The following MDGA2 variants were observed in gnomAD, a reference collection of about 807,000 sequenced individuals.
MDGA2 encodes the protein MAM domain containing glycosylphosphatidylinositol anchor 2, also known as MAM domain-containing glycosylphosphatidylinositol anchor protein 2.
In MDGA2, 40 loss-of-function variants were observed where a neutral mutation model predicts 117.8. The observed-to-expected ratio is 0.34, with a 90% CI of 0.26 to 0.44. The LOEUF is 0.44. Ranked by LOEUF, MDGA2 falls within the 20% of genes least tolerant of loss-of-function variation. The pLI is 1.00. For synonymous variants in MDGA2, 452 were observed against 439.0 expected (o/e 1.03, Z -0.37); for missense variants, 1,123 against 1,250.6 (o/e 0.90, Z 1.54).
At chr14:47,558,066 T>C (rs1895718271) in intron 1 of MDGA2, among the ~76,000 whole-genome samples, 2 of 152,166 alleles carry the variant, frequency 1.3e-5, no homozygotes, top group Admixed American at 6.5e-5. Context: ...TGTGGAATAG[T>C]CGACAGTGAA....
At chr14:47,544,129 AG>A (rs1296579060) in intron 1 of MDGA2, among the ~76,000 whole-genome samples, 1 of 152,214 alleles carries the variant, frequency 6.6e-6, no homozygotes, top group Non-Finnish European at 1.5e-5. Context: ...TAAAGACTAT[AG>A]AAAGTATGTC....
intron 1 of MDGA2, among the ~76,000 whole-genome samples, chr14:47,386,835 G>T (rs2138429125): frequency 6.6e-6 from 1 of 152,314 alleles, no homozygotes; most frequent in South Asian, 2.1e-4. Context: ...CCTGGCTTCA[G>T]ATTCTGCTCT....
intron 1 of MDGA2, among the ~76,000 whole-genome samples, chr14:47,628,721 A>G (rs1177362869): frequency 6.6e-6 from 1 of 152,242 alleles, no homozygotes; most frequent in African/African-American, 2.4e-5. Flanking sequence ...GACGGATACT[A>G]TGATGCACCA....
At chr14:47,272,993 A>C (rs952240613) in intron 2 of MDGA2, among the ~76,000 whole-genome samples, 17 of 152,108 alleles carry the variant, frequency 1.1e-4, no homozygotes, top group African/African-American at 3.9e-4. Flanking sequence ...TTTTACTCTA[A>C]GGAGCCTGAA....
At chr14:47,578,348 A>G (rs761660951) in intron 1 of MDGA2, among the ~76,000 whole-genome samples, 3 of 152,108 alleles carry the variant, frequency 2.0e-5, no homozygotes, top group Non-Finnish European at 2.9e-5. Flanking sequence ...CCAGCACACC[A>G]TTGCACACAT....
chr14:47,594,084 T>C (rs1896492403), intron 1 of MDGA2, among the ~76,000 whole-genome samples: 1 of 152,092 alleles, frequency 6.6e-6, no homozygotes, highest in Non-Finnish European at 1.5e-5. Context: ...AATAAATCAA[T>C]CAGCGCACTT....
intron 2 of MDGA2, among the ~76,000 whole-genome samples, chr14:47,274,375 T>G (rs1192421687): frequency 6.6e-6 from 1 of 152,112 alleles, no homozygotes; most frequent in African/African-American, 2.4e-5. Flanking sequence ...GGATAATGTT[T>G]CCAAGGTTCT....
chr14:47,374,954 A>G (rs1308806404), intron 1 of MDGA2, among the ~76,000 whole-genome samples: 1 of 151,998 alleles, frequency 6.6e-6, no homozygotes, highest in East Asian at 1.9e-4. Flanking sequence ...TTATATTTCA[A>G]AGATTTTTTT....
intron 1 of MDGA2, among the ~76,000 whole-genome samples, chr14:47,448,661 T>G (rs900841317): frequency 2.0e-5 from 3 of 152,126 alleles, no homozygotes; most frequent in Non-Finnish European, 4.4e-5. Flanking sequence ...CGCTCTTCAT[T>G]TGTATGCTTT....
At chr14:47,515,617 G>A (rs1215454001) in intron 1 of MDGA2, among the ~76,000 whole-genome samples, 1 of 152,038 alleles carries the variant, frequency 6.6e-6, no homozygotes, top group Non-Finnish European at 1.5e-5. Context: ...AAGGGGGTTA[G>A]TTTTAACTCT....
intron 1 of MDGA2, among the ~76,000 whole-genome samples, chr14:47,582,578 T>C (rs537585490): frequency 8.6e-5 from 13 of 152,044 alleles, no homozygotes; most frequent in Admixed American, 4.6e-4. Context: ...ATTTTCAATA[T>C]AGAGTGTCAG....
chr14:47,212,611 A>G (rs1801583082), intron 3 of MDGA2, among the ~76,000 whole-genome samples: 1 of 151,960 alleles, frequency 6.6e-6, no homozygotes, highest in African/African-American at 2.4e-5. Context: ...TTTCATTTTC[A>G]CATTGTCTTA....
At chr14:47,030,021 T>C (rs774888906) in intron 8 of MDGA2, among the ~76,000 whole-genome samples, 1 of 151,106 alleles carries the variant, frequency 6.6e-6, no homozygotes, top group Non-Finnish European at 1.5e-5. Context: ...AGAGTTGGGG[T>C]TTCACCATGT....
At chr14:47,511,991 C>T (rs1894651803) in intron 1 of MDGA2, among the ~76,000 whole-genome samples, 1 of 152,076 alleles carries the variant, frequency 6.6e-6, no homozygotes, top group Admixed American at 6.6e-5. Context: ...TTGCTCTAGC[C>T]ATTTTGCATA....
intron 3 of MDGA2, among the ~76,000 whole-genome samples, chr14:47,182,891 G>C (rs1594703483): frequency 6.6e-6 from 1 of 151,692 alleles, no homozygotes; most frequent in East Asian, 2.0e-4. Context: ...AATATGGCTG[G>C]GTGTTTCTCA....
At chr14:47,587,642 C>T (rs1896350737) in intron 1 of MDGA2, among the ~76,000 whole-genome samples, 1 of 151,884 alleles carries the variant, frequency 6.6e-6, no homozygotes, top group African/African-American at 2.4e-5. Context: ...TATGGAAATA[C>T]TTGCATGTTT....
At chr14:47,644,727 A>G (rs1222752217) in intron 1 of MDGA2, among the ~76,000 whole-genome samples, 1 of 152,194 alleles carries the variant, frequency 6.6e-6, no homozygotes, top group Non-Finnish European at 1.5e-5. Flanking sequence ...TCTTATCATA[A>G]AGAAATGATA....
chr14:47,137,822 G>C (rs1271505763), intron 4 of MDGA2, among the ~76,000 whole-genome samples: 1 of 152,126 alleles, frequency 6.6e-6, no homozygotes, highest in African/African-American at 2.4e-5. Flanking sequence ...TGGGATTGGA[G>C]AGTTGTTCTG....
At chr14:47,266,081 C>T (rs969810351) in intron 2 of MDGA2, among the ~76,000 whole-genome samples, 6 of 151,954 alleles carry the variant, frequency 3.9e-5, no homozygotes, top group African/African-American at 1.5e-4. Flanking sequence ...TAGGGAGGTA[C>T]CTCTCATCTT....
Sources: allele counts gnomAD v4.1 joint callset (sites outside exome capture counted in the v4.1 genomes callset), GRCh38; gene constraint gnomAD v4.1.1; transcripts MANE v1.5; gene names NCBI Gene and HGNC (gene_info 2026-07-23, HGNC 2026-07-21).